The following PAX9 variants were observed in gnomAD, a reference collection of about 807,000 sequenced individuals.
PAX9 encodes the protein paired box protein Pax-9.
PAX9 carries 6 observed loss-of-function variants against 29.1 expected under a neutral mutation model. The observed-to-expected ratio is 0.21, with a 90% confidence interval of 0.11 to 0.41. The LOEUF is 0.41. Among genes scored for constraint, PAX9 ranks in the 10% least tolerant of loss-of-function variants. The probability of loss-of-function intolerance (pLI) is 1.00; values close to 1 mark genes in which losing one functional copy is unlikely to be tolerated. For synonymous variants in PAX9, 217 were observed against 211.7 expected, an observed-to-expected ratio of 1.03 and a Z score of -0.22; for missense variants, 443 against 479.1, an observed-to-expected ratio of 0.92 and a Z score of 0.70.
intron 3 of PAX9, among the ~76,000 whole-genome samples, chr14:36,670,837 T>G (rs932827547): frequency 1.8e-4 from 27 of 152,188 alleles, no homozygotes; most frequent in African/African-American, 6.5e-4. Context: ...AGCTTTTAAA[T>G]AGCGGCTTTC....
In PAX9 at chr14:36,678,155, C is replaced by T; in HGVS notation, c.*1703C>T. The T allele has an allele frequency of 2.6e-6, 1 of 380,456 alleles. No individual in the cohort carries two copies. The highest frequency in any genetic ancestry group is 2.0e-5 in the African/African-American group (1 of 49,850). The allele number at this position is 380,456 out of a possible 1,614,324, so 23.6% of individuals were successfully genotyped here. A position where few individuals can be genotyped will look rare whatever the true frequency, so the allele number is the denominator to read the frequency against. On this transcript the variant is annotated 3_prime_UTR_variant, in exon 4 of 4. Coordinates refer to ENST00000361487, the MANE Select transcript of PAX9 (RefSeq NM_001372076.1). Reference sequence around the variant, plus strand: ...TCTTCCGGTCTGTGCTGTGCACAGTCTACATGGCAATGCGGTTCCACCACA... The same window carrying T: ...TCTTCCGGTCTGTGCTGTGCACAGTTTACATGGCAATGCGGTTCCACCACA...
chr14:36,668,551 C>A (rs1436358430), intron 3 of PAX9, among the ~76,000 whole-genome samples: 1 of 152,018 alleles, frequency 6.6e-6, no homozygotes, highest in African/African-American at 2.4e-5. Flanking sequence ...GCCACACCCA[C>A]CTAATTTTTG....
intron 3 of PAX9, among the ~76,000 whole-genome samples, chr14:36,672,829 C>CT (rs893265625): frequency 7.3e-5 from 2 of 27,328 alleles, no homozygotes; most frequent in African/African-American, 2.2e-4. Context: ...TTGCCTTTTT[C>CT]TTTTTTCTTT....
At position 36,678,700 on chromosome 14, in the gene PAX9, T is replaced by C. The variant is rs1350700127; in HGVS notation, c.*2248T>C. 3 of 1,237,448 alleles carry C rather than the reference T, an allele frequency of 2.4e-6. No individual in the cohort carries two copies. Among genetic ancestry groups the C allele is most frequent in the Non-Finnish European group, 3.0e-6 (3 of 987,992 alleles). The allele number at this position is 1,237,448 out of a possible 1,614,324, so 76.7% of individuals were successfully genotyped here. On this transcript the variant is annotated 3_prime_UTR_variant, in exon 4 of 4. Coordinates refer to ENST00000361487, the MANE Select transcript of PAX9 (RefSeq NM_001372076.1). ...TGTGGAAATGCAAATAATGTTATTT[T>C]CTTTATCTAAATTAAGAAATCTCTT...
upstream of PAX9, chr14:36,657,769 C>T (rs1217335731): frequency 6.6e-6 from 1 of 152,236 alleles, no homozygotes; most frequent in African/African-American, 2.4e-5. Flanking sequence ...CCGTGAGGCT[C>T]CTTGATGAGA....
chr14:36,663,297 C>T lies in PAX9; in HGVS notation c.405C>T (p.Ala135=). 1 of 1,614,170 alleles carries T rather than the reference C, an allele frequency of 6.2e-7. No homozygotes were observed. Among genetic ancestry groups the T allele is most frequent in the Non-Finnish European group, 8.5e-7 (1 of 1,180,040 alleles). Residue 135 remains alanine (A), a synonymous_variant, in exon 2 of 4, where the codon GCC becomes GCT. Coordinates refer to ENST00000361487, the MANE Select transcript of PAX9 (RefSeq NM_001372076.1). ...TGCGCAACAAGATCGGCAACTTGGC[C>T]CAGCAGGGTCATTACGACTCATACA... ...RILRNKIGNL[A]QQGHYDSYKQ...
At chr14:36,672,852 C>CTTTTTTTTTTT (rs3061562) in intron 3 of PAX9, among the ~76,000 whole-genome samples, 244 of 19,162 alleles carry the variant, frequency 0.013, 91 homozygotes, top group East Asian at 0.029. Context: ...TTCTTTCTTC[C>CTTTTTTTTTTT]TTTTTTTTTT....
At chr14:36,672,902 G>A (rs1594473453) in intron 3 of PAX9, among the ~76,000 whole-genome samples, 1 of 62,544 alleles carries the variant, frequency 1.6e-5, no homozygotes, top group East Asian at 6.4e-4. Flanking sequence ...TCTCACTCTT[G>A]TTGCCCAGGC....
chr14:36,662,858 C>T, intron 1 of PAX9, 39 bp from the exon 2 acceptor site: 2 of 1,585,508 alleles, frequency 1.3e-6, no homozygotes, highest in Non-Finnish European at 1.7e-6. Context: ...TCCCAAGCAG[C>T]GGGTGCGCGT....
At chr14:36,660,172 C>A (rs1400580294), upstream of PAX9, among the ~76,000 whole-genome samples, 1 of 152,190 alleles carries the variant, frequency 6.6e-6, no homozygotes, top group Non-Finnish European at 1.5e-5. Flanking sequence ...TATCTACCAG[C>A]CTTAAGAAGG....
chr14:36,667,127 G>A (rs1343302158), intron 3 of PAX9, among the ~76,000 whole-genome samples: 3 of 152,038 alleles, frequency 2.0e-5, no homozygotes, highest in Non-Finnish European at 4.4e-5. Context: ...GGACAAACAC[G>A]CTTGGCCAAT....
At chr14:36,675,789 A>G (rs951882436) in intron 3 of PAX9, among the ~76,000 whole-genome samples, 2 of 152,186 alleles carry the variant, frequency 1.3e-5, no homozygotes, top group Admixed American at 6.5e-5. Flanking sequence ...GCCTGTCACA[A>G]GTGCCTCAAC....
At position 36,679,257 on chromosome 14, in the gene PAX9, C is replaced by T. The variant is rs1349497730; in HGVS notation, c.*2805C>T. 2 of 983,272 alleles carry T rather than the reference C, an allele frequency of 2.0e-6. No individual in the cohort carries two copies. The highest frequency in any genetic ancestry group is 1.1e-4 in the East Asian group (1 of 8,802). 60.9% of individuals were successfully genotyped at this position (983,272 alleles called of 1,614,324 possible). ...ACTGAAATATAAATTTTAAAAAACA[C>T]GTTGGAAAGGATGTACAACAGAAGG... is the stretch of plus-strand genomic sequence containing the variant. On this transcript the variant is annotated 3_prime_UTR_variant, in exon 4 of 4. Transcript: ENST00000361487.
At chr14:36,668,443 C>T (rs1881586667) in intron 3 of PAX9, among the ~76,000 whole-genome samples, 1 of 152,184 alleles carries the variant, frequency 6.6e-6, no homozygotes, top group Non-Finnish European at 1.5e-5. Flanking sequence ...GGTTGGAGTG[C>T]AGTGGCGCGA....
chr14:36,670,044 A>T (rs961816883), intron 3 of PAX9, among the ~76,000 whole-genome samples: 1 of 152,076 alleles, frequency 6.6e-6, no homozygotes, highest in African/African-American at 2.4e-5. Context: ...ATAGAGAATC[A>T]TAGGGACTGG....
At chr14:36,665,369 C>T (rs1280459037) in intron 2 of PAX9, among the ~76,000 whole-genome samples, 1 of 152,052 alleles carries the variant, frequency 6.6e-6, no homozygotes, top group Non-Finnish European at 1.5e-5. Flanking sequence ...TAAAAATGAT[C>T]ATTTCTACAA....
At chr14:36,660,814 C>T (rs1016670348), upstream of PAX9, among the ~76,000 whole-genome samples, 2 of 152,170 alleles carry the variant, frequency 1.3e-5, no homozygotes, top group African/African-American at 4.8e-5. Context: ...ATAACTTTGG[C>T]TGCAAAAAAG....
Position 36,662,900 on chromosome 14 carries a change from C to T in PAX9, c.8C>T (p.Pro3Leu). 6.2e-7 allele frequency: 1 copy of T among 1,611,102 alleles called. No homozygotes were observed. The highest frequency in any genetic ancestry group is 1.1e-5 in the South Asian group (1 of 90,958). Residue 3 changes from proline to leucine, a missense_variant, in exon 2 of 4, where the codon CCA becomes CTA. Physicochemically the swap from Pro to Leu is moderately conservative, Grantham distance 98. Transcript: ENST00000361487. ME[P>L]AFGEVNQLGG... is the part of the protein sequence containing the mutation. Reference sequence around the variant, plus strand: ...GCGCTGTGTGTTCATTTTGCAGAGCCAGCCTTCGGGGAGGTGAACCAGCTG... The same window carrying T: ...GCGCTGTGTGTTCATTTTGCAGAGCTAGCCTTCGGGGAGGTGAACCAGCTG...
At chr14:36,662,117 T>C in intron 1 of PAX9, 24 bp downstream of exon 1, 1 of 1,196,860 alleles carries the variant, frequency 8.4e-7, no homozygotes, top group South Asian at 1.6e-5. Flanking sequence ...GGGGACTCTG[T>C]CAGAGCCGGG....
Sources: allele counts gnomAD v4.1 joint callset (sites outside exome capture counted in the v4.1 genomes callset), GRCh38; gene constraint gnomAD v4.1.1; transcripts MANE v1.5; gene names NCBI Gene and HGNC (gene_info 2026-07-23, HGNC 2026-07-21).